The following ZNF502 variants were observed in gnomAD, a reference collection of about 807,000 sequenced individuals.
The protein encoded by ZNF502 is zinc finger protein 502.
Under a neutral mutation model 43.6 loss-of-function variants are expected in ZNF502, and 29 were observed. The ratio of observed to expected loss-of-function variants is 0.67; its 90% confidence interval spans 0.50 to 0.91. The LOEUF (loss-of-function observed/expected upper bound fraction) is 0.91. Among genes scored for constraint, ZNF502 ranks in the 40% least tolerant of loss-of-function variants. The pLI, the probability that ZNF502 is intolerant of heterozygous loss-of-function variation, is 0.00. For synonymous variants in ZNF502, 171 were observed against 207.4 expected (o/e 0.82, Z 1.51); for missense variants, 591 against 647.2 (o/e 0.91, Z 0.94).
At chr3:44,713,537 T>C (rs894187485) in intron 1 of ZNF502, among the ~76,000 whole-genome samples, 1 of 152,194 alleles carries the variant, frequency 6.6e-6, no homozygotes, top group Admixed American at 6.5e-5. Flanking sequence ...TGATTTAATC[T>C]TCACAACAGC....
At position 44,722,717 on chromosome 3, in the gene ZNF502, AC is replaced by A; in HGVS notation, c.*266del. ...GCCACTGTCTCCCCATGTGACTCTT[AC>A]AGCTTGAGGAGGCATTTGTTAGCAC... On this transcript the variant is annotated 3_prime_UTR_variant, in exon 3 of 3. Coordinates refer to ENST00000436624, the MANE Select transcript of ZNF502 (RefSeq NM_001134442.3). The A allele has an allele frequency of 2.5e-6, 1 of 405,832 alleles. No individual in the cohort carries two copies. Among genetic ancestry groups the A allele is most frequent in the Non-Finnish European group, 4.4e-6 (1 of 226,762 alleles). 25.1% of individuals were successfully genotyped at this position (405,832 alleles called of 1,614,324 possible).
rs1291752659 is a variant in ZNF502 at position 44,720,913 on chromosome 3, CTG to C, written c.98_99del (p.Cys33Ter). On this transcript the variant is annotated frameshift_variant, in exon 3 of 3. Coordinates refer to ENST00000436624, the MANE Select transcript of ZNF502 (RefSeq NM_001134442.3). LOFTEE classifies it high-confidence loss of function. ...KNKPALEQDV[C>X]KIDSSGIVVK... The stretch of plus-strand genomic sequence containing the variant: ...ACAAGCCTGCTCTGGAGCAGGATGT[CTG>C]TAAAATTGACTCATCAGGGATAGTA... 1.2e-6 allele frequency: 2 copies of C among 1,613,464 alleles called. No individual in the cohort carries two copies. Among genetic ancestry groups the C allele is most frequent in the Admixed American group, 3.3e-5 (2 of 59,898 alleles).
chr3:44,718,064 A>C (rs1304987457), intron 1 of ZNF502, among the ~76,000 whole-genome samples: 2 of 152,070 alleles, frequency 1.3e-5, no homozygotes, highest in African/African-American at 4.8e-5. Flanking sequence ...TTATGTCTAA[A>C]ACTCTTCAGG....
intron 1 of ZNF502, among the ~76,000 whole-genome samples, chr3:44,719,375 C>A (rs1442557907): frequency 6.6e-6 from 1 of 152,216 alleles, no homozygotes; most frequent in East Asian, 1.9e-4. Context: ...TTATTTTATT[C>A]TTTCATGTCT....
intron 1 of ZNF502, among the ~76,000 whole-genome samples, chr3:44,716,204 T>TTTA (rs1704138561): frequency 6.6e-6 from 1 of 151,546 alleles, no homozygotes. Context: ...TTTTTTTTTT[T>TTTA]GAGACGGAGT....
At chr3:44,717,611 A>G (rs1017587011) in intron 1 of ZNF502, among the ~76,000 whole-genome samples, 7 of 151,916 alleles carry the variant, frequency 4.6e-5, no homozygotes, top group Admixed American at 6.6e-5. Context: ...GGGTTTCTCC[A>G]TGTTGGTCAG....
At position 44,722,638 on chromosome 3, in the gene ZNF502, C is replaced by T. The variant is rs749546868; in HGVS notation, c.*186C>T. 141 of 676,808 alleles carry T rather than the reference C, an allele frequency of 2.1e-4. No individual in the cohort carries two copies. Among genetic ancestry groups the T allele is most frequent in the Admixed American group, 3.3e-4 (11 of 33,352 alleles). 41.9% of individuals were successfully genotyped at this position (676,808 alleles called of 1,614,324 possible). ...TGCAGAGCCTACTTGAGGTGGGCAT[C>T]TGGGAATACAGGGTAGAAAGAAATT... On this transcript the variant is annotated 3_prime_UTR_variant, in exon 3 of 3. Transcript: ENST00000436624.
At position 44,722,228 on chromosome 3, in the gene ZNF502, G is replaced by T; in HGVS notation, c.1411G>T (p.Ala471Ser). 1 of 1,614,182 alleles carries T rather than the reference G, an allele frequency of 6.2e-7. No homozygotes were observed. Among genetic ancestry groups the T allele is most frequent in the Non-Finnish European group, 8.5e-7 (1 of 1,180,030 alleles). Residue 471 changes from alanine (A) to serine (S), a missense_variant, in exon 3 of 3, where the codon GCC (alanine) becomes TCC (serine). Ala to Ser is a moderately conservative substitution (Grantham distance 99). Transcript: ENST00000436624. ...CTATAAATGTAAAGAATGTGGGAAA[G>T]CCTTTGCTCATAGCTCATCTCTTAC... ...KPYKCKECGK[A>S]FAHSSSLTEH...
In ZNF502 at chr3:44,722,395, G is replaced by C. The variant is rs151243157; in HGVS notation, c.1578G>C (p.Lys526Asn). Residue 526 changes from lysine (K) to asparagine (N), a missense_variant, in exon 3 of 3, where the codon AAG becomes AAC. Lys to Asn is a moderately conservative substitution (Grantham distance 94). Coordinates refer to ENST00000436624, the MANE Select transcript of ZNF502 (RefSeq NM_001134442.3). ...EKPYECIECG[K>N]FFRHSSVLFR... ...CTTATGAGTGTATTGAGTGTGGAAA[G>C]TTCTTCAGACATAGTTCAGTCCTTT... 9.9e-6 allele frequency: 16 copies of C among 1,614,014 alleles called. No individual in the cohort carries two copies. In the Admixed American group the frequency reaches 2.0e-4, roughly 20 times the overall value.
rs201071428 is a variant in ZNF502, at chr3:44,722,101, T to C, written c.1284T>C (p.Ser428=). The change falls in exon 3 of 3, where the codon AGT becomes AGC. Residue 428 remains serine (S), a synonymous_variant. Transcript: ENST00000436624. ...QSICLIRHQR[S]HTGEKPYKCN... ...TTTGCCTTATTCGGCACCAGAGAAG[T>C]CACACTGGAGAAAAACCCTATAAAT... 6.2e-7 allele frequency: 1 copy of C among 1,614,134 alleles called. No individual in the cohort carries two copies.
At chr3:44,713,122 T>G (rs1198729341) in intron 1 of ZNF502, among the ~76,000 whole-genome samples, 2 of 152,204 alleles carry the variant, frequency 1.3e-5, no homozygotes, top group African/African-American at 4.8e-5. Context: ...CCGAAACTTG[T>G]TTAGAGCCTG....
Position 44,723,018 on chromosome 3 carries a change from AAAT to A in ZNF502, c.*567_*569del, listed in dbSNP as rs1704409672. 1 of 152,474 alleles carries A rather than the reference AAAT, an allele frequency of 6.6e-6. No homozygotes were observed. Among genetic ancestry groups the A allele is most frequent in the South Asian group, 2.1e-4 (1 of 4,836 alleles). The allele number at this position is 152,474 out of a possible 1,614,324, so 9.4% of individuals were successfully genotyped here. ...AAAAATCCATATCCATTCATTAAAAAAATGAGATATAAAGCAACAACTGGGCTG... is the reference window on the plus strand; with the variant it reads ...AAAAATCCATATCCATTCATTAAAAAGAGATATAAAGCAACAACTGGGCTG... On this transcript the variant is annotated 3_prime_UTR_variant, in exon 3 of 3. Coordinates refer to ENST00000436624, the MANE Select transcript of ZNF502 (RefSeq NM_001134442.3).
intron 2 of ZNF502, among the ~76,000 whole-genome samples, 183 bp downstream of exon 2, chr3:44,720,499 C>G (rs1355786609): frequency 6.6e-6 from 1 of 152,158 alleles, no homozygotes; most frequent in Non-Finnish European, 1.5e-5. Context: ...TTTTATCATT[C>G]TCATTTCTAG....
chr3:44,716,083 G>A (rs1704134864), intron 1 of ZNF502, among the ~76,000 whole-genome samples: 1 of 151,900 alleles, frequency 6.6e-6, no homozygotes, highest in African/African-American at 2.4e-5. Context: ...CATTTCAGGG[G>A]ATATTTTTAC....
intron 1 of ZNF502, among the ~76,000 whole-genome samples, chr3:44,719,700 C>T (rs573466688): frequency 5.3e-4 from 80 of 152,206 alleles, no homozygotes; most frequent in Non-Finnish European, 9.1e-4. Flanking sequence ...ATCAGTGTGT[C>T]TCTAGTTTGT....
Position 44,720,349 on chromosome 3 carries a change from TAGTC to T in ZNF502, c.55+36_55+39del, listed in dbSNP as rs142319093. 3,863 of 1,609,832 alleles carry T rather than the reference TAGTC, an allele frequency of 2.4e-3. 67 individuals carry two copies. The African/African-American group carries it at 0.041, about 17-fold the overall frequency. On this transcript the variant is annotated intron_variant, in intron 2 of 2. Transcript: ENST00000436624. Reference sequence around the variant, plus strand: ...AGCAAGGGACAAGCAGTGGGAGAAATAGTCAGCCAATAGGAAGCCTTTGGAAATT... The same window carrying T: ...AGCAAGGGACAAGCAGTGGGAGAAATAGCCAATAGGAAGCCTTTGGAAATT...
intron 1 of ZNF502, among the ~76,000 whole-genome samples, chr3:44,717,781 C>T (rs1559499168): frequency 6.6e-6 from 1 of 152,096 alleles, no homozygotes; most frequent in Non-Finnish European, 1.5e-5. Flanking sequence ...GCCTTAGTAG[C>T]TATGACTATA....
chr3:44,714,193 C>T (rs1308994185), intron 1 of ZNF502, among the ~76,000 whole-genome samples: 1 of 152,138 alleles, frequency 6.6e-6, no homozygotes, highest in Non-Finnish European at 1.5e-5. Flanking sequence ...AGGGAGGAAG[C>T]CAGCTCTCTA....
intron 2 of ZNF502, among the ~76,000 whole-genome samples, chr3:44,720,576 C>G (rs1446304295): frequency 6.6e-6 from 1 of 152,152 alleles, no homozygotes; most frequent in Non-Finnish European, 1.5e-5. Context: ...CCTGTCTTGC[C>G]CTAATCTCAG....
Sources: allele counts gnomAD v4.1 joint callset (sites outside exome capture counted in the v4.1 genomes callset), GRCh38; gene constraint gnomAD v4.1.1; transcripts MANE v1.5; gene names NCBI Gene and HGNC (gene_info 2026-07-23, HGNC 2026-07-21).